LSAMP: variants seen among roughly 807,000 people sequenced by gnomAD.
LSAMP encodes the protein limbic system-associated membrane protein.
A neutral mutation model predicts 38.6 loss-of-function variants in LSAMP; 7 were observed. That is an observed-to-expected ratio of 0.18 (90% confidence interval 0.10 to 0.34). LSAMP has a LOEUF of 0.34. Among genes scored for constraint, LSAMP ranks in the 10% least tolerant of loss-of-function variants. The probability of loss-of-function intolerance (pLI) is 1.00; values close to 1 mark genes in which losing one functional copy is unlikely to be tolerated. For missense variants in LSAMP, 313 were observed against 420.0 expected, an observed-to-expected ratio of 0.75 and a Z score of 2.23; for synonymous variants, 154 against 166.8, an observed-to-expected ratio of 0.92 and a Z score of 0.59.
chr3:116,254,469 G>A (rs2046725001), intron 1 of LSAMP, among the ~76,000 whole-genome samples: 1 of 152,108 alleles, frequency 6.6e-6, no homozygotes, highest in South Asian at 2.1e-4. Flanking sequence ...AGAAGGAGGA[G>A]GAGGAAAAGA....
chr3:115,836,197 A>G (rs1934779044), intron 6 of LSAMP, among the ~76,000 whole-genome samples: 2 of 152,038 alleles, frequency 1.3e-5, no homozygotes, highest in African/African-American at 4.8e-5. Context: ...GCTTGTTATT[A>G]CCGTCTTAGC....
intron 1 of LSAMP, among the ~76,000 whole-genome samples, chr3:116,166,409 G>A (rs1300439173): frequency 6.6e-6 from 1 of 152,174 alleles, no homozygotes; most frequent in Non-Finnish European, 1.5e-5. Flanking sequence ...AAAATTACAA[G>A]TGGCAGAACT....
At chr3:116,298,764 A>C (rs1324938018) in intron 1 of LSAMP, among the ~76,000 whole-genome samples, 1 of 152,198 alleles carries the variant, frequency 6.6e-6, no homozygotes, top group African/African-American at 2.4e-5. Flanking sequence ...AAGCACTTAC[A>C]ATTTTTGAAT....
At chr3:116,326,227 A>AT (rs1418278241) in intron 1 of LSAMP, among the ~76,000 whole-genome samples, 2 of 152,120 alleles carry the variant, frequency 1.3e-5, no homozygotes, top group African/African-American at 4.8e-5. Context: ...AAAACATGCT[A>AT]TTTTGTATCC....
intron 3 of LSAMP, among the ~76,000 whole-genome samples, chr3:115,945,216 C>A (rs1393935443): frequency 6.6e-6 from 1 of 152,078 alleles, no homozygotes; most frequent in Non-Finnish European, 1.5e-5. Flanking sequence ...CATAAACTTT[C>A]AAATTATGGC....
chr3:116,429,801 G>A (rs1276838740), intron 1 of LSAMP, among the ~76,000 whole-genome samples: 1 of 152,098 alleles, frequency 6.6e-6, no homozygotes, highest in Non-Finnish European at 1.5e-5. Flanking sequence ...ATTTGCAGAC[G>A]ACATCATGTT....
intron 3 of LSAMP, among the ~76,000 whole-genome samples, chr3:116,013,946 C>T (rs567770759): frequency 5.9e-5 from 9 of 152,194 alleles, no homozygotes; most frequent in Non-Finnish European, 1.0e-4. Context: ...GAGGTTTCAG[C>T]GTAATACTTC....
intron 2 of LSAMP, among the ~76,000 whole-genome samples, chr3:116,020,790 TTC>T (rs1940617061): frequency 6.6e-6 from 1 of 152,212 alleles, no homozygotes; most frequent in South Asian, 2.1e-4. Flanking sequence ...TGTGAATTTC[TTC>T]TTTTTTACTC....
chr3:116,274,565 G>A (rs2047021701), intron 1 of LSAMP, among the ~76,000 whole-genome samples: 1 of 151,918 alleles, frequency 6.6e-6, no homozygotes. Flanking sequence ...ACATATTGAA[G>A]GTCTACAAGG....
chr3:116,259,013 A>G (rs1483410780), intron 1 of LSAMP, among the ~76,000 whole-genome samples: 4 of 152,164 alleles, frequency 2.6e-5, no homozygotes. Flanking sequence ...TGTAGACATT[A>G]GGATTTAGCT....
At chr3:115,816,154 A>G (rs187795080) in intron 6 of LSAMP, among the ~76,000 whole-genome samples, 1 of 152,324 alleles carries the variant, frequency 6.6e-6, no homozygotes, top group African/African-American at 2.4e-5. Context: ...AGGGACTAGC[A>G]TTTATTGGAC....
In LSAMP at chr3:116,262,167, C is replaced by A. The variant is rs976622551; in HGVS notation, c.156-175611G>T. On this transcript the variant is annotated intron_variant, in intron 1 of 6. Coordinates refer to ENST00000490035, the MANE Select transcript of LSAMP (RefSeq NM_002338.5). ...GGACCTTTTTACCTAAATGCAATGA[C>A]TATTGTATTAAAAAGAAAAGACATT... is the stretch of plus-strand genomic sequence containing the variant. Among the ~76,000 whole-genome samples the A allele has an allele frequency of 2.0e-5, 3 of 152,048 alleles. No individual in the cohort carries two copies. The East Asian group carries it at 5.8e-4, about 29-fold the overall frequency.
intron 1 of LSAMP, among the ~76,000 whole-genome samples, chr3:116,150,974 GAT>G (rs1352629203): frequency 1.3e-5 from 2 of 151,982 alleles, no homozygotes; most frequent in African/African-American, 4.8e-5. Flanking sequence ...TGCCTTACTG[GAT>G]CCGTTTTAAG....
At chr3:116,404,751 G>GT (rs1464820901) in intron 1 of LSAMP, among the ~76,000 whole-genome samples, 2 of 152,006 alleles carry the variant, frequency 1.3e-5, no homozygotes, top group East Asian at 1.9e-4. Context: ...TGACAAAATT[G>GT]TTTTTTTGTG....
chr3:115,922,545 C>T lies in LSAMP; in HGVS notation c.515-69928G>A, dbSNP rs748025862. Among the ~76,000 whole-genome samples, 16 of 152,096 alleles carry T rather than the reference C, an allele frequency of 1.1e-4. No individual in the cohort carries two copies. The Middle Eastern group carries it at 0.01, about 97-fold the overall frequency. On this transcript the variant is annotated intron_variant, in intron 3 of 6. Coordinates refer to ENST00000490035, the MANE Select transcript of LSAMP (RefSeq NM_002338.5). ...CTTTGTCAGGTGATTCATATACTTC[C>T]ATTTTTAAATTATTAATTTCTGAAG...
rs372566877 is a variant in LSAMP at position 116,260,959 on chromosome 3, T to C, written c.156-174403A>G. On this transcript the variant is annotated intron_variant, in intron 1 of 6. Coordinates refer to ENST00000490035, the MANE Select transcript of LSAMP (RefSeq NM_002338.5). The stretch of plus-strand genomic sequence containing the variant: ...GAAAGGATGCAGCTGATTAACATTC[T>C]GGGCATGTAAAACAGTTTGTGCACA... 3.9e-5 allele frequency among the ~76,000 whole-genome samples: 6 copies of C among 152,354 alleles called. 1 individual carries two copies. In the East Asian group the frequency reaches 7.7e-4, roughly 20 times the overall value.
chr3:116,445,173 C>T lies in LSAMP; in HGVS notation c.-142G>A, dbSNP rs1347096038. 12 of 755,564 alleles carry T rather than the reference C, an allele frequency of 1.6e-5. No homozygotes were observed. The South Asian group carries it at 2.0e-4, about 13-fold the overall frequency. 46.8% of individuals were successfully genotyped at this position (755,564 alleles called of 1,614,324 possible). On this transcript the variant is annotated 5_prime_UTR_variant, in exon 1 of 7. Coordinates refer to ENST00000490035, the MANE Select transcript of LSAMP (RefSeq NM_002338.5). ...CCAGTTTATGGTCCTTTCCACTTTG[C>T]CTCTCTCTTTCCCTCGCTCAGTCTC...
chr3:115,811,713 A>G (rs2107448261), intron 6 of LSAMP, among the ~76,000 whole-genome samples: 1 of 152,312 alleles, frequency 6.6e-6, no homozygotes. Context: ...ATGGTCTCCT[A>G]ATCTATGCTT....
At chr3:116,340,771 C>T (rs918824376) in intron 1 of LSAMP, among the ~76,000 whole-genome samples, 3 of 151,976 alleles carry the variant, frequency 2.0e-5, no homozygotes, top group Non-Finnish European at 4.4e-5. Flanking sequence ...GAAAAAGTGC[C>T]TTTACTGCTC....
Sources: gnomAD v4.1 joint callset for allele counts (sites outside exome capture counted in the v4.1 genomes callset) on GRCh38, gnomAD v4.1.1 for gene constraint, MANE v1.5 for transcripts, NCBI Gene and HGNC (gene_info 2026-07-23, HGNC 2026-07-21) for gene names.